Variants in NXPE3 observed in about 807,000 individuals in gnomAD.
The protein encoded by NXPE3 is neurexophilin and PC-esterase domain family member 3.
NXPE3 carries 26 observed loss-of-function variants against 46.1 expected under a neutral mutation model. The ratio of observed to expected loss-of-function variants is 0.56; its 90% CI spans 0.41 to 0.78. The LOEUF (loss-of-function observed/expected upper bound fraction) is 0.78, where lower values mean the gene tolerates loss of function less well. NXPE3 is among the 30% of genes least tolerant of loss of function. The pLI is 0.00. For missense variants in NXPE3, 620 were observed against 686.0 expected, an observed-to-expected ratio of 0.90 and a Z score of 1.07; for synonymous variants, 272 against 257.9, an observed-to-expected ratio of 1.05 and a Z score of -0.52.
intron 5 of NXPE3, 123 bp from the exon 6 acceptor site, chr3:101,806,929 AT>A (rs1402875715): frequency 1.4e-6 from 1 of 707,406 alleles, no homozygotes. Context: ...GTTAACATTC[AT>A]AAGTATATTT....
At chr3:101,785,056 G>A (rs1463266370) in intron 3 of NXPE3, among the ~76,000 whole-genome samples, 1 of 152,178 alleles carries the variant, frequency 6.6e-6, no homozygotes, top group African/African-American at 2.4e-5. Flanking sequence ...AAAGGGAAGG[G>A]GAAGGGAAGT....
chr3:101,783,404 C>T (rs1214727936), intron 3 of NXPE3, among the ~76,000 whole-genome samples: 6 of 152,146 alleles, frequency 3.9e-5, no homozygotes, highest in Non-Finnish European at 5.9e-5. Flanking sequence ...GTGTGCCTCA[C>T]GCAACATCTA....
At chr3:101,794,336 A>G (rs1940697201) in intron 4 of NXPE3, among the ~76,000 whole-genome samples, 1 of 152,186 alleles carries the variant, frequency 6.6e-6, no homozygotes. Context: ...TTTATTAACT[A>G]CATAGGAGGA....
rs540670461 is a variant in NXPE3 at position 101,824,237 on chromosome 3, G to C, written c.*2283G>C. ...TGAGAAACACTAAGAGAAGAGGTAA[G>C]ATAGAATGAGGGAATAAACATGGCT... On this transcript the variant is annotated 3_prime_UTR_variant, in exon 8 of 8. Coordinates refer to ENST00000273347, the MANE Select transcript of NXPE3 (RefSeq NM_145037.4). 2.0e-5 allele frequency: 3 copies of C among 152,258 alleles called. No individual in the cohort carries two copies. Among genetic ancestry groups the C allele is most frequent in the African/African-American group, 7.2e-5 (3 of 41,542 alleles). The allele number at this position is 152,258 out of a possible 1,614,324, so 9.4% of individuals were successfully genotyped here.
intron 4 of NXPE3, among the ~76,000 whole-genome samples, chr3:101,799,917 T>C (rs1941041171): frequency 6.6e-6 from 1 of 152,178 alleles, no homozygotes; most frequent in African/African-American, 2.4e-5. Flanking sequence ...TGGCTTCTCT[T>C]TCATTTCTGA....
At chr3:101,786,677 T>C (rs1223594090) in intron 4 of NXPE3, among the ~76,000 whole-genome samples, 2 of 152,232 alleles carry the variant, frequency 1.3e-5, no homozygotes, top group Non-Finnish European at 2.9e-5. Context: ...TTTTACTATA[T>C]AAGATACTAC....
intron 7 of NXPE3, among the ~76,000 whole-genome samples, chr3:101,820,887 G>C (rs1381341767): frequency 6.6e-6 from 1 of 152,196 alleles, no homozygotes; most frequent in African/African-American, 2.4e-5. Flanking sequence ...GGGGAGTTGG[G>C]AGGAAGGAGA....
intron 4 of NXPE3, among the ~76,000 whole-genome samples, chr3:101,787,674 A>C (rs1186407251): frequency 6.6e-6 from 1 of 152,218 alleles, no homozygotes. Flanking sequence ...CTCATGTAGC[A>C]TGTATCAGAA....
At chr3:101,787,235 G>C (rs1474460989) in intron 4 of NXPE3, among the ~76,000 whole-genome samples, 1 of 151,714 alleles carries the variant, frequency 6.6e-6, no homozygotes, top group Non-Finnish European at 1.5e-5. Context: ...CTTCTACTTT[G>C]TGTCTCTATG....
rs1231880056 is a variant in NXPE3 at position 101,816,845 on chromosome 3, T to C, written c.973T>C (p.Tyr325His). ...AGGCTCAGGAACTTTTCCTTCTGGG[T>C]ATTATTATAAAGACCAGTGGAGGCC... ...SQGSGTFPSG[Y>H]YYKDQWRPRK... Residue 325 changes from tyrosine (Y) to histidine (H), a missense_variant, in exon 7 of 8, where the codon TAT becomes CAT. This residue lies in a region of NXPE3 where 511 missense variants were observed against 528.6 expected (regional missense o/e 0.97). Transcript: ENST00000273347. 1 of 1,614,078 alleles carries C rather than the reference T, an allele frequency of 6.2e-7. No homozygotes were observed. The highest frequency in any genetic ancestry group is 1.1e-5 in the South Asian group (1 of 91,070).
In NXPE3 at chr3:101,822,773, CTT is replaced by C. The variant is rs1254827140; in HGVS notation, c.*822_*823del. 1.3e-5 allele frequency: 2 copies of C among 150,884 alleles called. No individual in the cohort carries two copies. The highest frequency in any genetic ancestry group is 4.9e-5 in the African/African-American group (2 of 41,050). 9.3% of individuals were successfully genotyped at this position (150,884 alleles called of 1,614,324 possible). ...TGAAATTTGAGGGTTTAGGAATTGA[CTT>C]TTGTGTAAAGAATGCTACGATATTA... On this transcript the variant is annotated 3_prime_UTR_variant, in exon 8 of 8. Transcript: ENST00000273347.
intron 6 of NXPE3, among the ~76,000 whole-genome samples, chr3:101,813,592 T>TA (rs1222558047): frequency 2.7e-4 from 41 of 152,154 alleles, no homozygotes; most frequent in African/African-American, 9.6e-4. Flanking sequence ...TTTCAAATAA[T>TA]AAAAAATATC....
chr3:101,791,586 A>G (rs963399456), intron 4 of NXPE3, among the ~76,000 whole-genome samples: 7 of 152,082 alleles, frequency 4.6e-5, no homozygotes, highest in Admixed American at 3.9e-4. Context: ...TGGTTTCACT[A>G]TATTGGCCGG....
intron 7 of NXPE3, among the ~76,000 whole-genome samples, 165 bp from the exon 8 acceptor site, chr3:101,821,239 A>G (rs564708236): frequency 6.6e-6 from 1 of 152,222 alleles, no homozygotes; most frequent in East Asian, 1.9e-4. Flanking sequence ...CATTGATACA[A>G]AAGGGGGCAG....
chr3:101,802,423 G>T (rs1318201018), intron 5 of NXPE3, among the ~76,000 whole-genome samples: 3 of 150,044 alleles, frequency 2.0e-5, no homozygotes, highest in African/African-American at 7.6e-5. Flanking sequence ...TTTGAGACCA[G>T]CCTGGGCAAC....
chr3:101,792,745 G>T (rs1940591703), intron 4 of NXPE3, among the ~76,000 whole-genome samples: 1 of 152,096 alleles, frequency 6.6e-6, no homozygotes, highest in Non-Finnish European at 1.5e-5. Flanking sequence ...TTGGCTATTT[G>T]GGCTCTTTTT....
rs1448215805 is a variant in NXPE3, at chr3:101,818,716, TATA to T, written c.1129+1716_1129+1718del. ...TAACCCTTAAGAATATATGACAATTTATATATATATATATATATATATATATAT... is the reference window on the plus strand; with the variant it reads ...TAACCCTTAAGAATATATGACAATTTTATATATATATATATATATATATAT... On this transcript the variant is annotated intron_variant, in intron 7 of 7. Coordinates refer to ENST00000273347, the MANE Select transcript of NXPE3 (RefSeq NM_145037.4). Among the ~76,000 whole-genome samples, 34 of 37,580 alleles carry T rather than the reference TATA, an allele frequency of 9.0e-4. 1 individual carries two copies. Among genetic ancestry groups the T allele is most frequent in the East Asian group, 7.3e-3 (8 of 1,098 alleles). 24.7% of individuals were successfully genotyped at this position (37,580 alleles called of 152,430 possible).
At chr3:101,803,721 C>T (rs1386401359) in intron 5 of NXPE3, among the ~76,000 whole-genome samples, 1 of 152,174 alleles carries the variant, frequency 6.6e-6, no homozygotes, top group Non-Finnish European at 1.5e-5. Flanking sequence ...CCGGGTTCGA[C>T]GGATTCTCCC....
chr3:101,803,825 G>T (rs116073817), intron 5 of NXPE3, among the ~76,000 whole-genome samples: 3,185 of 152,278 alleles, frequency 0.021, 30 homozygotes, highest in Non-Finnish European at 0.031. Context: ...TCACTATGTT[G>T]CCCAGGCTGG....
Sources: allele counts gnomAD v4.1 joint callset (sites outside exome capture counted in the v4.1 genomes callset), GRCh38; gene constraint gnomAD v4.1.1; regional missense constraint gnomAD v4.1.1; transcripts MANE v1.5; gene names NCBI Gene and HGNC (gene_info 2026-07-23, HGNC 2026-07-21).